NRL: variants seen among roughly 807,000 people sequenced by gnomAD.
The protein encoded by NRL is neural retina-specific leucine zipper protein.
NRL carries 16 observed loss-of-function variants against 12.5 expected under a neutral mutation model. That is an observed-to-expected ratio of 1.28 (90% CI 0.87 to 1.95). The LOEUF (loss-of-function observed/expected upper bound fraction) is 1.95. Among genes scored for constraint, NRL ranks in the 30% most tolerant of loss-of-function variants. NRL has a pLI of 0.00. For synonymous variants in NRL, 142 were observed against 150.9 expected, an observed-to-expected ratio of 0.94 and a Z score of 0.43; for missense variants, 314 against 325.8, an observed-to-expected ratio of 0.96 and a Z score of 0.28.
intron 1 of NRL, among the ~76,000 whole-genome samples, chr14:24,107,878 CTTTA>C (rs754444971): frequency 1.7e-4 from 26 of 152,140 alleles, no homozygotes; most frequent in Non-Finnish European, 3.2e-4. Context: ...AATTCTTTAT[CTTTA>C]TTTATCATCT....
At position 24,082,595 on chromosome 14, in the gene NRL, C is replaced by T; in HGVS notation, c.254G>A (p.Gly85Glu). Residue 85 changes from glycine (G) to glutamate (E), a missense_variant, in exon 2 of 3, where the codon GGG becomes GAG. Gly to Glu is a moderately conservative substitution (Grantham distance 98). Transcript: ENST00000561028. Reference sequence around the variant, plus strand: ...TTCAGGACTCAGCCCCAATGCCTCCCCAGCCCCCAGCTGCTGCTGCAGGGT... The same window carrying T: ...TTCAGGACTCAGCCCCAATGCCTCCTCAGCCCCCAGCTGCTGCTGCAGGGT... ...LATLQQQLGA[G>E]EALGLSPEEA... 2.5e-6 allele frequency: 4 copies of T among 1,613,838 alleles called. No individual in the cohort carries two copies. In the East Asian group the frequency reaches 6.7e-5, roughly 27 times the overall value.
intron 1 of NRL, chr14:24,099,763 A>G (rs2037079953): frequency 6.3e-7 from 1 of 1,588,422 alleles, no homozygotes; most frequent in Non-Finnish European, 8.6e-7. Flanking sequence ...GGCTCTTGTC[A>G]GAGCCTCGGG....
chr14:24,094,674 C>G lies in NRL; in HGVS notation c.-27-11799G>C. On this transcript the variant is annotated intron_variant, in intron 1 of 2. Coordinates refer to ENST00000561028, the MANE Select transcript of NRL (RefSeq NM_001354768.3). The surrounding 1 kb of genome is among the most constrained non-coding windows in gnomAD (Gnocchi z 4.1). ...TCTCTGCCTCGCTCGCCTCTGACCG[C>G]GCGATCTCTATCTGCCACTCTCAGA... 6.6e-7 allele frequency: 1 copy of G among 1,515,816 alleles called. No homozygotes were observed. Among genetic ancestry groups the G allele is most frequent in the African/African-American group, 1.4e-5 (1 of 72,738 alleles). The allele number at this position is 1,515,816 out of a possible 1,614,324, so 93.9% of individuals were successfully genotyped here.
intron 1 of NRL, chr14:24,099,011 T>C: frequency 6.6e-7 from 1 of 1,518,596 alleles, no homozygotes; most frequent in Admixed American, 1.7e-5. Context: ...CAGTTCCTGA[T>C]GCTGCTGCCA....
At position 24,097,041 on chromosome 14, in the gene NRL, T is replaced by C. The variant is rs1479436552; in HGVS notation, c.-27-14166A>G. The C allele has an allele frequency of 2.5e-6, 4 of 1,613,320 alleles. No individual in the cohort carries two copies. In the East Asian group the frequency reaches 6.7e-5, roughly 27 times the overall value. On this transcript the variant is annotated intron_variant, in intron 1 of 2. Transcript: ENST00000561028. ...GCCCGCCTGTGCCAACCAGAGGGCA[T>C]CCACATCTGTGATGGAACTGAGGCT...
intron 1 of NRL, chr14:24,103,406 T>C (rs1455095279): frequency 1.3e-5 from 16 of 1,217,056 alleles, no homozygotes; most frequent in Non-Finnish European, 1.8e-5. Flanking sequence ...CCTGAAGATA[T>C]TCAGAACCAT....
Position 24,081,829 on chromosome 14 carries a change from C to T in NRL, c.382-261G>A. On this transcript the variant is annotated intron_variant, in intron 2 of 2. Coordinates refer to ENST00000561028, the MANE Select transcript of NRL (RefSeq NM_001354768.3). This position sits in a 1 kb window ranked among gnomAD's most constrained non-coding sequence, Gnocchi z 4.4. Reference sequence around the variant, plus strand: ...GCCGGCCACGGTCAGGCGAGCCCGTCGCGCACCTAAACCCCGGGCTCGTCT... The same window carrying T: ...GCCGGCCACGGTCAGGCGAGCCCGTTGCGCACCTAAACCCCGGGCTCGTCT... The T allele has an allele frequency of 7.0e-7, 1 of 1,434,000 alleles. No homozygotes were observed. The highest frequency in any genetic ancestry group is 1.4e-5 in the South Asian group (1 of 71,500). 88.8% of individuals were successfully genotyped at this position (1,434,000 alleles called of 1,614,324 possible). A position where few individuals can be genotyped will look rare whatever the true frequency, so the allele number is the denominator to read the frequency against.
chr14:24,081,119 C>CA lies in NRL; in HGVS notation c.*116dup. 1.3e-5 allele frequency: 8 copies of CA among 639,912 alleles called. No homozygotes were observed. Among genetic ancestry groups the CA allele is most frequent in the Middle Eastern group, 3.5e-4 (1 of 2,834 alleles). 39.6% of individuals were successfully genotyped at this position (639,912 alleles called of 1,614,324 possible). On this transcript the variant is annotated 3_prime_UTR_variant, in exon 3 of 3. Transcript: ENST00000561028. This position sits in a 1 kb window ranked among gnomAD's most constrained non-coding sequence, Gnocchi z 4.4. ...CTTTGGGGATATTTGCGCGGTCATA[C>CA]AGGGCGTGGCTAGGACCAGAAGGCG...
rs1402274654 is a variant in NRL at position 24,103,854 on chromosome 14, C to T, written c.-28+10868G>A. 6.2e-6 allele frequency: 10 copies of T among 1,614,002 alleles called. No homozygotes were observed. The East Asian group carries it at 2.2e-4, about 36-fold the overall frequency. ...CTCCCTCCCCAAGGACTTCTGGGAA[C>T]AGGAGGTTCGTGACATTCGGAGCTA... is the stretch of plus-strand genomic sequence containing the variant. On this transcript the variant is annotated intron_variant, in intron 1 of 2. Transcript: ENST00000561028.
Position 24,094,204 on chromosome 14 carries a change from G to A in NRL, c.-27-11329C>T. Reference sequence around the variant, plus strand: ...CTGGAGCCTGGAGCCCCGGGGCCGAGGGAGCTGGCCTGCCAGCGGGGCGGA... The same window carrying A: ...CTGGAGCCTGGAGCCCCGGGGCCGAAGGAGCTGGCCTGCCAGCGGGGCGGA... On this transcript the variant is annotated intron_variant, in intron 1 of 2. Transcript: ENST00000561028. This position sits in a 1 kb window ranked among gnomAD's most constrained non-coding sequence, Gnocchi z 4.1. The A allele has an allele frequency of 1.8e-6, 1 of 564,042 alleles. No individual in the cohort carries two copies. Among genetic ancestry groups the A allele is most frequent in the Admixed American group, 3.9e-5 (1 of 25,812 alleles). 34.9% of individuals were successfully genotyped at this position (564,042 alleles called of 1,614,324 possible). A position where few individuals can be genotyped will look rare whatever the true frequency, so the allele number is the denominator to read the frequency against.
rs1342064454 is a variant in NRL at position 24,094,924 on chromosome 14, G to T, written c.-27-12049C>A. The T allele has an allele frequency of 4.6e-6, 5 of 1,080,074 alleles. No homozygotes were observed. Among genetic ancestry groups the T allele is most frequent in the Non-Finnish European group, 5.0e-6 (4 of 804,630 alleles). The allele number at this position is 1,080,074 out of a possible 1,614,324, so 66.9% of individuals were successfully genotyped here. A position where few individuals can be genotyped will look rare whatever the true frequency, so the allele number is the denominator to read the frequency against. On this transcript the variant is annotated intron_variant, in intron 1 of 2. Coordinates refer to ENST00000561028, the MANE Select transcript of NRL (RefSeq NM_001354768.3). This position sits in a 1 kb window ranked among gnomAD's most constrained non-coding sequence, Gnocchi z 4.1. Reference sequence around the variant, plus strand: ...TAAATATCCATTCCCGGCCTCTCCCGGACTGGAAGGACTGGAACCTGGCGG... The same window carrying T: ...TAAATATCCATTCCCGGCCTCTCCCTGACTGGAAGGACTGGAACCTGGCGG...
chr14:24,111,819 AC>A (rs2037425108), intron 1 of NRL, among the ~76,000 whole-genome samples: 1 of 135,074 alleles, frequency 7.4e-6, no homozygotes, highest in Non-Finnish European at 1.6e-5. Flanking sequence ...CTAATTGAAT[AC>A]CCTTTATTTC....
intron 1 of NRL, chr14:24,103,967 T>G (rs780189858): frequency 1.2e-6 from 2 of 1,610,198 alleles, no homozygotes; most frequent in Admixed American, 3.3e-5. Flanking sequence ...AAATGTGACC[T>G]GAGGCCCTAG....
At chr14:24,103,133 C>T in intron 1 of NRL, 1 of 1,563,342 alleles carries the variant, frequency 6.4e-7, no homozygotes, top group Non-Finnish European at 8.8e-7. Context: ...AAAGGGCTGC[C>T]TGTGACTCTG....
In NRL at chr14:24,079,393, C is replaced by T. The variant is rs2036211469; in HGVS notation, c.*1843G>A. ...TCCCTGCCCCATCCTCTCCCTTCAA[C>T]AATGAGTGTGGAAGGGGATGAAGAA... On this transcript the variant is annotated 3_prime_UTR_variant, in exon 3 of 3. Coordinates refer to ENST00000561028, the MANE Select transcript of NRL (RefSeq NM_001354768.3). Among the ~76,000 whole-genome samples, 1 of 152,202 alleles carries T rather than the reference C, an allele frequency of 6.6e-6. No homozygotes were observed. The highest frequency in any genetic ancestry group is 1.5e-5 in the Non-Finnish European group (1 of 68,040).
At chr14:24,103,284 CTG>C in intron 1 of NRL, 2 of 1,563,264 alleles carry the variant, frequency 1.3e-6, no homozygotes, top group Non-Finnish European at 1.8e-6. Context: ...CCTCCCTCTC[CTG>C]TGTGTGCACA....
chr14:24,082,347 C>T (rs751867579), intron 2 of NRL, 121 bp downstream of exon 2: 240 of 1,268,616 alleles, frequency 1.9e-4, no homozygotes, highest in Middle Eastern at 5.4e-4. Flanking sequence ...ACCTTCTCCC[C>T]TTCTCCTGCC....
At position 24,094,466 on chromosome 14, in the gene NRL, A is replaced by C; in HGVS notation, c.-27-11591T>G. ...GACCCCCGGCCCGGGGCCCACCCGC[A>C]CCTTCCGCTGCGCTCGCCCCCTCGG... On this transcript the variant is annotated intron_variant, in intron 1 of 2. Transcript: ENST00000561028. This position sits in a 1 kb window ranked among gnomAD's most constrained non-coding sequence, Gnocchi z 4.1. 6.6e-7 allele frequency: 1 copy of C among 1,509,838 alleles called. No individual in the cohort carries two copies. 93.5% of individuals were successfully genotyped at this position (1,509,838 alleles called of 1,614,324 possible). A position where few individuals can be genotyped will look rare whatever the true frequency, so the allele number is the denominator to read the frequency against.
At chr14:24,106,646 G>A (rs2037342628) in intron 1 of NRL, among the ~76,000 whole-genome samples, 1 of 151,838 alleles carries the variant, frequency 6.6e-6, no homozygotes, top group Non-Finnish European at 1.5e-5. Flanking sequence ...ACTTGAAACT[G>A]GGAGGCTGAG....
Sources: allele counts gnomAD v4.1 joint callset (sites outside exome capture counted in the v4.1 genomes callset), GRCh38; gene constraint gnomAD v4.1.1; non-coding constraint Gnocchi (gnomAD v3.1); transcripts MANE v1.5; gene names NCBI Gene and HGNC (gene_info 2026-07-23, HGNC 2026-07-21).